Variants in ABHD3 observed in about 807,000 individuals in gnomAD.
The protein encoded by ABHD3 is phospholipase ABHD3.
In ABHD3, 46 loss-of-function variants were observed where a neutral mutation model predicts 48.8. The observed-to-expected ratio is 0.94, with a 90% confidence interval of 0.74 to 1.20. The LOEUF is 1.20. Among genes scored for constraint, ABHD3 ranks in the 50% most tolerant of loss-of-function variants. The pLI is 0.00. For synonymous variants in ABHD3, 192 were observed against 183.7 expected (o/e 1.04, Z -0.36); for missense variants, 490 against 497.8 (o/e 0.98, Z 0.15).
chr18:21,700,827 C>CAAAAAAAAAAA (rs375239917), intron 3 of ABHD3, among the ~76,000 whole-genome samples: 7 of 94,394 alleles, frequency 7.4e-5, no homozygotes, highest in African/African-American at 2.4e-4. Flanking sequence ...AAGTTTTAGC[C>CAAAAAAAAAAA]AAAAAAAAAA....
chr18:21,672,047 A>G (rs1272607732), intron 4 of ABHD3, among the ~76,000 whole-genome samples: 1 of 152,200 alleles, frequency 6.6e-6, no homozygotes, highest in East Asian at 1.9e-4. Flanking sequence ...AATAAAGCAT[A>G]TATTTTATAT....
intron 3 of ABHD3, among the ~76,000 whole-genome samples, chr18:21,695,683 T>C (rs2040354077): frequency 6.6e-6 from 1 of 152,138 alleles, no homozygotes; most frequent in African/African-American, 2.4e-5. Flanking sequence ...AAAAGCAGCT[T>C]AGGTTCCTGA....
intron 3 of ABHD3, among the ~76,000 whole-genome samples, chr18:21,693,427 A>G (rs1389357255): frequency 6.6e-6 from 1 of 152,156 alleles, no homozygotes; most frequent in Non-Finnish European, 1.5e-5. Context: ...GAATCCACTT[A>G]ACCACCTCAC....
chr18:21,668,200 CAA>C lies in ABHD3; in HGVS notation c.556-3972_556-3971del, dbSNP rs747590942. 1.6e-3 allele frequency among the ~76,000 whole-genome samples: 98 copies of C among 61,328 alleles called. 1 individual carries two copies. The highest frequency in any genetic ancestry group is 4.7e-3 in the African/African-American group (62 of 13,290). 40.2% of individuals were successfully genotyped at this position (61,328 alleles called of 152,430 possible). On this transcript the variant is annotated intron_variant, in intron 4 of 8. Transcript: ENST00000289119. ...TGGGCAACAAAGCAAGAATCTATCT[CAA>C]AAAAAAAAAAAAAAAAAAGAAAGAA...
At chr18:21,656,345 A>G (rs2039349103) in intron 8 of ABHD3, among the ~76,000 whole-genome samples, 1 of 151,932 alleles carries the variant, frequency 6.6e-6, no homozygotes. Flanking sequence ...CAGCTAATTA[A>G]TTTTCTTTTA....
At chr18:21,680,419 T>A (rs2039978916) in intron 4 of ABHD3, among the ~76,000 whole-genome samples, 2 of 152,252 alleles carry the variant, frequency 1.3e-5, no homozygotes. Context: ...TTATTTGACT[T>A]GTACTTTATC....
chr18:21,663,016 T>G (rs531560628), intron 5 of ABHD3, among the ~76,000 whole-genome samples: 42 of 152,304 alleles, frequency 2.8e-4, no homozygotes, highest in African/African-American at 9.6e-4. Context: ...AGAGTCTGCG[T>G]GGGTTTTCTC....
In ABHD3 at chr18:21,677,361, A is replaced by AT. The variant is rs564576359; in HGVS notation, c.555+6558dup. Among the ~76,000 whole-genome samples the AT allele has an allele frequency of 5.0e-3, 704 of 139,666 alleles. 2 individuals carry two copies. Among genetic ancestry groups the AT allele is most frequent in the Middle Eastern group, 0.036 (10 of 276 alleles). 91.6% of individuals were successfully genotyped at this position (139,666 alleles called of 152,430 possible). A position where few individuals can be genotyped will look rare whatever the true frequency, so the allele number is the denominator to read the frequency against. On this transcript the variant is annotated intron_variant, in intron 4 of 8. Coordinates refer to ENST00000289119, the MANE Select transcript of ABHD3 (RefSeq NM_138340.5). ...AGGTGCCTGCCACCACGCCTGGCAA[A>AT]TTTTTTTTTTTTTTTTTGTATTTTT... is the stretch of plus-strand genomic sequence containing the variant.
In ABHD3 at chr18:21,684,453, G is replaced by T. The variant is rs143007462; in HGVS notation, c.510-488C>A. Among the ~76,000 whole-genome samples the T allele has an allele frequency of 8.6e-3, 1,294 of 151,124 alleles. 113 individuals carry two copies. In the East Asian group the frequency reaches 0.2, roughly 24 times the overall value. On this transcript the variant is annotated intron_variant, in intron 3 of 8. Transcript: ENST00000289119. ...CCTGCCTCAGCCTCCTTAGTAGCTG[G>T]GATTACAAGCACCCACCACCATGCG...
intron 4 of ABHD3, among the ~76,000 whole-genome samples, chr18:21,665,203 A>G (rs1261625996): frequency 6.6e-6 from 1 of 151,924 alleles, no homozygotes; most frequent in East Asian, 1.9e-4. Context: ...CCTCAGCCTC[A>G]CAAAGTGCTG....
chr18:21,688,205 A>C (rs548467167), intron 3 of ABHD3, among the ~76,000 whole-genome samples: 89 of 152,340 alleles, frequency 5.8e-4, no homozygotes, highest in African/African-American at 2.0e-3. Context: ...TGAAACTTCC[A>C]TGGGTTGTGA....
chr18:21,700,194 A>G (rs1016529498), intron 3 of ABHD3, among the ~76,000 whole-genome samples: 1 of 151,258 alleles, frequency 6.6e-6, no homozygotes, highest in African/African-American at 2.4e-5. Flanking sequence ...GGTTCAAGCA[A>G]TTCTCCTGCC....
chr18:21,658,738 G>C (rs570652895), intron 6 of ABHD3, among the ~76,000 whole-genome samples: 2 of 151,872 alleles, frequency 1.3e-5, no homozygotes, highest in Non-Finnish European at 2.9e-5. Flanking sequence ...TTTTGGTACA[G>C]TAGTAAATTT....
intron 8 of ABHD3, among the ~76,000 whole-genome samples, chr18:21,652,704 G>C (rs370149209): frequency 1.3e-5 from 2 of 148,592 alleles, no homozygotes; most frequent in East Asian, 4.0e-4. Context: ...GAACCCGGGA[G>C]GCGGAGATTG....
At chr18:21,674,391 G>C (rs1263590963) in intron 4 of ABHD3, among the ~76,000 whole-genome samples, 1 of 151,922 alleles carries the variant, frequency 6.6e-6, no homozygotes, top group Non-Finnish European at 1.5e-5. Context: ...ACAGGCACGT[G>C]CCACCATGCC....
chr18:21,670,286 G>C (rs2039727913), intron 4 of ABHD3, among the ~76,000 whole-genome samples: 1 of 152,138 alleles, frequency 6.6e-6, no homozygotes, highest in African/African-American at 2.4e-5. Flanking sequence ...TGCCAAGGGG[G>C]TAAGGATGTA....
chr18:21,666,488 G>A (rs561799118), intron 4 of ABHD3, among the ~76,000 whole-genome samples: 1 of 151,836 alleles, frequency 6.6e-6, no homozygotes, highest in South Asian at 2.1e-4. Flanking sequence ...CACCGTGCCC[G>A]GCCTATTTTT....
chr18:21,699,652 A>G (rs774260521), intron 3 of ABHD3, among the ~76,000 whole-genome samples: 3 of 152,286 alleles, frequency 2.0e-5, no homozygotes, highest in South Asian at 2.1e-4. Context: ...CTGGGCCTCA[A>G]GAGGCCCTGC....
intron 3 of ABHD3, among the ~76,000 whole-genome samples, chr18:21,686,608 G>A (rs74338916): frequency 6.6e-6 from 1 of 152,300 alleles, no homozygotes; most frequent in East Asian, 1.9e-4. Flanking sequence ...TCTTGCTAGA[G>A]GACGAATTGT....
Sources: allele counts gnomAD v4.1 joint callset (sites outside exome capture counted in the v4.1 genomes callset), GRCh38; gene constraint gnomAD v4.1.1; transcripts MANE v1.5; gene names NCBI Gene and HGNC (gene_info 2026-07-23, HGNC 2026-07-21).